PTPRG: variants seen among roughly 807,000 people sequenced by gnomAD.
PTPRG encodes protein tyrosine phosphatase receptor type G, also known as receptor-type tyrosine-protein phosphatase gamma.
Under a neutral mutation model 165.3 loss-of-function variants are expected in PTPRG, and 102 were observed. That is an observed-to-expected ratio of 0.62 (90% confidence interval 0.53 to 0.73). The LOEUF is 0.73. Ranked by LOEUF, PTPRG falls within the 30% of genes least tolerant of loss-of-function variation. PTPRG has a pLI of 0.00. For synonymous variants in PTPRG, 675 were observed against 669.5 expected, an observed-to-expected ratio of 1.01 and a Z score of -0.13; for missense variants, 1,866 against 1,861.4, an observed-to-expected ratio of 1.00 and a Z score of -0.05.
At chr3:61,627,956 T>C (rs932925602) in intron 1 of PTPRG, among the ~76,000 whole-genome samples, 4 of 152,192 alleles carry the variant, frequency 2.6e-5, no homozygotes, top group Admixed American at 6.5e-5. Context: ...CAAACATTCC[T>C]GAGTGAAGAG....
At chr3:61,951,890 C>A (rs1014472864) in intron 2 of PTPRG, among the ~76,000 whole-genome samples, 1 of 151,984 alleles carries the variant, frequency 6.6e-6, no homozygotes, top group Admixed American at 6.6e-5. Flanking sequence ...GAGGCCGAGG[C>A]GGGCAGATCA....
At chr3:61,831,268 T>G (rs1300248672) in intron 2 of PTPRG, among the ~76,000 whole-genome samples, 1 of 152,242 alleles carries the variant, frequency 6.6e-6, no homozygotes, top group Non-Finnish European at 1.5e-5. Context: ...TGTAAACATC[T>G]GTCTCACAAC....
At chr3:61,865,971 C>T (rs532581613) in intron 2 of PTPRG, among the ~76,000 whole-genome samples, 1 of 152,338 alleles carries the variant, frequency 6.6e-6, no homozygotes, top group South Asian at 2.1e-4. Flanking sequence ...CTGAGACAGG[C>T]TTCCTTTGCC....
At chr3:61,952,261 A>C (rs2039919049) in intron 2 of PTPRG, among the ~76,000 whole-genome samples, 1 of 152,126 alleles carries the variant, frequency 6.6e-6, no homozygotes, top group Non-Finnish European at 1.5e-5. Context: ...CCTGTGCTGT[A>C]AGCCAGGATT....
chr3:61,725,214 C>T (rs541819873), intron 1 of PTPRG, among the ~76,000 whole-genome samples: 1 of 152,106 alleles, frequency 6.6e-6, no homozygotes, highest in Admixed American at 6.6e-5. Context: ...GTCACCCAGG[C>T]TGGAGTACAG....
chr3:62,086,049 A>G (rs963047967), intron 5 of PTPRG, among the ~76,000 whole-genome samples: 1 of 152,312 alleles, frequency 6.6e-6, no homozygotes. Context: ...AAAATGATAA[A>G]TATTTCAGTT....
At chr3:61,995,822 T>A (rs771282167) in intron 3 of PTPRG, among the ~76,000 whole-genome samples, 1 of 151,466 alleles carries the variant, frequency 6.6e-6, no homozygotes, top group South Asian at 2.1e-4. Flanking sequence ...CAAGCTGGAG[T>A]GCAGTGGTGC....
At chr3:62,032,591 A>G (rs1486667658) in intron 4 of PTPRG, among the ~76,000 whole-genome samples, 4 of 152,104 alleles carry the variant, frequency 2.6e-5, no homozygotes, top group African/African-American at 9.7e-5. Flanking sequence ...AATCTGATTT[A>G]GTGAAGACGT....
intron 2 of PTPRG, among the ~76,000 whole-genome samples, chr3:61,894,097 A>G (rs1384353585): frequency 3.3e-5 from 5 of 152,092 alleles, no homozygotes; most frequent in Non-Finnish European, 7.3e-5. Flanking sequence ...TGAGGTCAGG[A>G]GTTCAAGACC....
chr3:62,022,494 C>G (rs1467971995), intron 4 of PTPRG, among the ~76,000 whole-genome samples: 2 of 152,186 alleles, frequency 1.3e-5, no homozygotes, highest in African/African-American at 4.8e-5. Context: ...TTTTACCCAA[C>G]AGGCATTTTT....
rs2040500927 is a variant in PTPRG, at chr3:61,976,190, TA to T, written c.191-13433del. 3.3e-5 allele frequency among the ~76,000 whole-genome samples: 5 copies of T among 152,348 alleles called. No homozygotes were observed. The South Asian group carries it at 1.0e-3, about 32-fold the overall frequency. ...GTTGACATGGAGAAATGAGGATTCA[TA>T]ATAGATTGAAAAACCCTTCCCTGGG... is the stretch of plus-strand genomic sequence containing the variant. On this transcript the variant is annotated intron_variant, in intron 2 of 29. Transcript: ENST00000474889.
In PTPRG at chr3:61,801,484, A is replaced by G. The variant is rs575745485; in HGVS notation, c.190+52502A>G. Among the ~76,000 whole-genome samples the G allele has an allele frequency of 2.6e-5, 4 of 151,810 alleles. No homozygotes were observed. The South Asian group carries it at 8.4e-4, about 32-fold the overall frequency. On this transcript the variant is annotated intron_variant, in intron 2 of 29. Coordinates refer to ENST00000474889, the MANE Select transcript of PTPRG (RefSeq NM_002841.4). ...TTTTTTTTACACACATACATAGAAG[A>G]GGGGTGGAGGGGGGAAGAAAGGGGA...
chr3:61,887,549 C>A (rs886842785), intron 2 of PTPRG, among the ~76,000 whole-genome samples: 2 of 152,106 alleles, frequency 1.3e-5, no homozygotes, highest in East Asian at 3.9e-4. Context: ...AGTTCCTTTA[C>A]CAATTCATGA....
In PTPRG at chr3:62,109,707, C is replaced by G. The variant is rs911020546; in HGVS notation, c.616-22895C>G. On this transcript the variant is annotated intron_variant, in intron 5 of 29. Coordinates refer to ENST00000474889, the MANE Select transcript of PTPRG (RefSeq NM_002841.4). ...CTTAAGGGCCCTGTAGGCAGCTGAT[C>G]AGCAAGAGGGAGGCCCAACCAGTGC... is the stretch of plus-strand genomic sequence containing the variant. 2.0e-5 allele frequency among the ~76,000 whole-genome samples: 3 copies of G among 152,166 alleles called. No homozygotes were observed. In the South Asian group the frequency reaches 6.2e-4, roughly 31 times the overall value.
chr3:62,157,032 CA>C, intron 6 of PTPRG, 34 bp from the exon 7 acceptor site: 1 of 1,552,556 alleles, frequency 6.4e-7, no homozygotes, highest in Middle Eastern at 1.7e-4. Flanking sequence ...CATGACTTAC[CA>C]TTGTGCTTTT....
At chr3:61,934,958 A>C (rs1344309316) in intron 2 of PTPRG, among the ~76,000 whole-genome samples, 1 of 152,198 alleles carries the variant, frequency 6.6e-6, no homozygotes, top group African/African-American at 2.4e-5. Context: ...AATGGAGTTC[A>C]TCTCCTCTTT....
intron 2 of PTPRG, among the ~76,000 whole-genome samples, chr3:61,829,733 T>A (rs1263458317): frequency 6.6e-6 from 1 of 152,246 alleles, no homozygotes; most frequent in Non-Finnish European, 1.5e-5. Flanking sequence ...AGCTTCCTTT[T>A]GGTTTTTTTA....
chr3:61,607,923 T>C (rs1255737957), intron 1 of PTPRG, among the ~76,000 whole-genome samples: 1 of 152,194 alleles, frequency 6.6e-6, no homozygotes, highest in Non-Finnish European at 1.5e-5. Flanking sequence ...ATTACCCTGT[T>C]GGAATTTGAG....
intron 28 of PTPRG, among the ~76,000 whole-genome samples, chr3:62,285,088 T>C (rs781217027): frequency 2.0e-4 from 30 of 152,082 alleles, no homozygotes; most frequent in Non-Finnish European, 2.8e-4. Context: ...ACCATAATTA[T>C]TTGTATACAT....
Sources: allele counts gnomAD v4.1 joint callset (sites outside exome capture counted in the v4.1 genomes callset), GRCh38; gene constraint gnomAD v4.1.1; transcripts MANE v1.5; gene names NCBI Gene and HGNC (gene_info 2026-07-23, HGNC 2026-07-21).